NXPH1: variants seen among roughly 807,000 people sequenced by gnomAD.
NXPH1 encodes the protein neurexophilin 1, also known as neurexophilin-1.
Under a neutral mutation model 23.7 loss-of-function variants are expected in NXPH1, and 5 were observed. That is an observed-to-expected ratio of 0.21 (90% CI 0.11 to 0.44). The LOEUF (loss-of-function observed/expected upper bound fraction) is 0.44, where lower values mean the gene tolerates loss of function less well. Among genes scored for constraint, NXPH1 ranks in the 20% least tolerant of loss-of-function variants. NXPH1 has a pLI of 0.99. For missense variants in NXPH1, 324 were observed against 321.6 expected (o/e 1.01, Z -0.06); for synonymous variants, 144 against 122.2 (o/e 1.18, Z -1.18).
At chr7:8,549,831 G>A (rs1306751948) in intron 2 of NXPH1, among the ~76,000 whole-genome samples, 2 of 151,498 alleles carry the variant, frequency 1.3e-5, no homozygotes, top group African/African-American at 4.8e-5. Flanking sequence ...GCTAGTGGAA[G>A]AGCTGGATTC....
At chr7:8,622,853 G>T (rs1425472092) in intron 2 of NXPH1, among the ~76,000 whole-genome samples, 1 of 152,164 alleles carries the variant, frequency 6.6e-6, no homozygotes, top group Non-Finnish European at 1.5e-5. Context: ...TTTGAGGTGG[G>T]ACATAACTAA....
At chr7:8,649,322 C>T (rs77570126) in intron 2 of NXPH1, among the ~76,000 whole-genome samples, 2 of 151,728 alleles carry the variant, frequency 1.3e-5, no homozygotes, top group Non-Finnish European at 2.9e-5. Context: ...TATTTCTTTC[C>T]TTTTTTTGTA....
chr7:8,629,317 T>C (rs555321696), intron 2 of NXPH1, among the ~76,000 whole-genome samples: 10 of 152,236 alleles, frequency 6.6e-5, no homozygotes, highest in Middle Eastern at 3.4e-3. Context: ...TGGATGGACA[T>C]TGAAAATGGG....
At chr7:8,732,690 G>C (rs917481403) in intron 2 of NXPH1, among the ~76,000 whole-genome samples, 6 of 152,020 alleles carry the variant, frequency 3.9e-5, no homozygotes, top group Non-Finnish European at 7.4e-5. Context: ...CCTTAGATGA[G>C]ATACGCCTTA....
chr7:8,512,543 G>A (rs1366003418), intron 2 of NXPH1, among the ~76,000 whole-genome samples: 3 of 151,964 alleles, frequency 2.0e-5, no homozygotes, highest in African/African-American at 7.2e-5. Flanking sequence ...TTTACTTTAG[G>A]ATTAGTGGTT....
intron 2 of NXPH1, among the ~76,000 whole-genome samples, chr7:8,581,393 A>G (rs1455596243): frequency 6.6e-6 from 1 of 152,186 alleles, no homozygotes; most frequent in Non-Finnish European, 1.5e-5. Context: ...CATGACGGAA[A>G]GCAAAGGGGA....
intron 2 of NXPH1, among the ~76,000 whole-genome samples, chr7:8,646,393 G>A (rs1820400622): frequency 6.6e-6 from 1 of 151,880 alleles, no homozygotes. Context: ...TGCTTTATCT[G>A]TCCACAATTT....
chr7:8,664,796 T>C (rs1009313736), intron 2 of NXPH1, among the ~76,000 whole-genome samples: 1 of 152,166 alleles, frequency 6.6e-6, no homozygotes, highest in East Asian at 1.9e-4. Context: ...TTCAGCATTT[T>C]TTCATATACT....
chr7:8,510,253 A>G (rs1486572389), intron 2 of NXPH1, among the ~76,000 whole-genome samples: 1 of 152,172 alleles, frequency 6.6e-6, no homozygotes, highest in Non-Finnish European at 1.5e-5. Flanking sequence ...TTATAAGTCA[A>G]TGATGAATGT....
At chr7:8,459,878 G>A (rs1816663442) in intron 2 of NXPH1, among the ~76,000 whole-genome samples, 1 of 152,170 alleles carries the variant, frequency 6.6e-6, no homozygotes, top group Admixed American at 6.5e-5. Flanking sequence ...ACATTGCAGG[G>A]CTGAAGATCC....
At chr7:8,500,487 C>T (rs1465717357) in intron 2 of NXPH1, among the ~76,000 whole-genome samples, 2 of 152,034 alleles carry the variant, frequency 1.3e-5, no homozygotes, top group African/African-American at 2.4e-5. Flanking sequence ...TCAGAAATGG[C>T]ATCTGCCTTA....
At chr7:8,618,088 A>G (rs1332037421) in intron 2 of NXPH1, among the ~76,000 whole-genome samples, 1 of 152,106 alleles carries the variant, frequency 6.6e-6, no homozygotes, top group Non-Finnish European at 1.5e-5. Flanking sequence ...GATGAGTGTC[A>G]CTCGCCGCAG....
chr7:8,452,838 C>A (rs943781679), intron 2 of NXPH1, among the ~76,000 whole-genome samples: 1 of 152,088 alleles, frequency 6.6e-6, no homozygotes, highest in African/African-American at 2.4e-5. Flanking sequence ...AGAGCCACTT[C>A]ACAAATCTTC....
At chr7:8,694,967 T>C (rs1383073623) in intron 2 of NXPH1, among the ~76,000 whole-genome samples, 1 of 152,224 alleles carries the variant, frequency 6.6e-6, no homozygotes, top group Non-Finnish European at 1.5e-5. Context: ...AATACATTAT[T>C]ATTTTAAAAC....
intron 2 of NXPH1, among the ~76,000 whole-genome samples, chr7:8,544,703 C>T (rs1320411001): frequency 6.6e-6 from 1 of 151,422 alleles, no homozygotes; most frequent in East Asian, 2.0e-4. Flanking sequence ...TTCTAAAGTG[C>T]CTGTTTCTTT....
intron 2 of NXPH1, among the ~76,000 whole-genome samples, chr7:8,639,187 T>A (rs749790766): frequency 1.3e-5 from 2 of 152,150 alleles, no homozygotes; most frequent in African/African-American, 2.4e-5. Context: ...AATAATAGAA[T>A]TAGTATTTTG....
At chr7:8,610,126 T>C (rs893518983) in intron 2 of NXPH1, among the ~76,000 whole-genome samples, 6 of 152,174 alleles carry the variant, frequency 3.9e-5, no homozygotes, top group African/African-American at 1.2e-4. Flanking sequence ...CGTTTTGAGA[T>C]AATTTTGGTT....
intron 2 of NXPH1, among the ~76,000 whole-genome samples, chr7:8,531,734 T>A (rs758127742): frequency 6.6e-6 from 1 of 152,202 alleles, no homozygotes; most frequent in Non-Finnish European, 1.5e-5. Flanking sequence ...AGAAAGATGA[T>A]GAGTTAATAT....
intron 2 of NXPH1, among the ~76,000 whole-genome samples, chr7:8,495,966 T>C (rs1817331895): frequency 6.6e-6 from 1 of 152,018 alleles, no homozygotes; most frequent in South Asian, 2.1e-4. Context: ...GTCTTTCTAA[T>C]AGGGCCTCCT....
Sources: gnomAD v4.1 joint callset for allele counts (sites outside exome capture counted in the v4.1 genomes callset) on GRCh38, gnomAD v4.1.1 for gene constraint, MANE v1.5 for transcripts, NCBI Gene and HGNC (gene_info 2026-07-23, HGNC 2026-07-21) for gene names.